Variants in ANKS1B observed in about 807,000 individuals in gnomAD.
ANKS1B encodes the protein ankyrin repeat and sterile alpha motif domain containing 1B.
Under a neutral mutation model 148.3 loss-of-function variants are expected in ANKS1B, and 36 were observed. That is an observed-to-expected ratio of 0.24 (90% confidence interval 0.19 to 0.32). The LOEUF (loss-of-function observed/expected upper bound fraction) is 0.32, where lower values mean the gene tolerates loss of function less well. Ranked by LOEUF, ANKS1B falls within the 10% of genes least tolerant of loss-of-function variation. The probability of loss-of-function intolerance (pLI) is 1.00; values close to 1 mark genes in which losing one functional copy is unlikely to be tolerated. For missense variants in ANKS1B, 1,157 were observed against 1,542.6 expected (o/e 0.75, Z 4.19); for synonymous variants, 542 against 560.8 (o/e 0.97, Z 0.47).
chr12:99,850,307 C>CTG (rs1343906161), intron 1 of ANKS1B, among the ~76,000 whole-genome samples: 2 of 151,674 alleles, frequency 1.3e-5, no homozygotes, highest in Non-Finnish European at 2.9e-5. Flanking sequence ...CTCTCTCTCT[C>CTG]TCTCTCTCTC....
chr12:99,918,886 CA>C (rs1234160791), intron 1 of ANKS1B, among the ~76,000 whole-genome samples: 6 of 151,970 alleles, frequency 3.9e-5, no homozygotes, highest in Non-Finnish European at 5.9e-5. Flanking sequence ...AACACACACA[CA>C]AAAAAAGATG....
intron 17 of ANKS1B, among the ~76,000 whole-genome samples, chr12:99,041,264 A>G (rs1461015094): frequency 6.6e-6 from 1 of 152,230 alleles, no homozygotes; most frequent in East Asian, 1.9e-4. Context: ...ATCAAATTCA[A>G]TGAAAAAATA....
intron 10 of ANKS1B, among the ~76,000 whole-genome samples, chr12:99,497,803 A>T (rs1567215995): frequency 6.6e-6 from 1 of 151,942 alleles, no homozygotes; most frequent in Non-Finnish European, 1.5e-5. Context: ...GTCCCTCTTA[A>T]GACTTGATCA....
intron 17 of ANKS1B, among the ~76,000 whole-genome samples, chr12:99,047,010 G>C (rs1184229801): frequency 6.6e-6 from 1 of 152,056 alleles, no homozygotes; most frequent in Admixed American, 6.5e-5. Flanking sequence ...GAAAAAAAAT[G>C]AATAGGACAT....
At chr12:98,836,101 G>C (rs1315737052) in intron 17 of ANKS1B, among the ~76,000 whole-genome samples, 1 of 152,092 alleles carries the variant, frequency 6.6e-6, no homozygotes, top group Non-Finnish European at 1.5e-5. Flanking sequence ...TTCTTAACCA[G>C]CCCTTCACTA....
chr12:98,915,918 T>C (rs2152873067), intron 17 of ANKS1B, among the ~76,000 whole-genome samples: 1 of 152,220 alleles, frequency 6.6e-6, no homozygotes, highest in East Asian at 1.9e-4. Flanking sequence ...GGATGCCACG[T>C]CAGTCTGTCT....
intron 12 of ANKS1B, among the ~76,000 whole-genome samples, chr12:99,308,785 A>G (rs538047078): frequency 2.9e-4 from 44 of 151,520 alleles, no homozygotes; most frequent in African/African-American, 1.0e-3. Flanking sequence ...ATCCTTCAAA[A>G]CTGTTCTGTA....
intron 14 of ANKS1B, among the ~76,000 whole-genome samples, chr12:99,157,464 A>G (rs1270222655): frequency 1.3e-5 from 2 of 152,246 alleles, no homozygotes; most frequent in Non-Finnish European, 2.9e-5. Context: ...GCAGAGCACG[A>G]TACACATCCT....
intron 9 of ANKS1B, among the ~76,000 whole-genome samples, chr12:99,615,430 A>G (rs1464070010): frequency 1.3e-5 from 2 of 152,138 alleles, no homozygotes; most frequent in Non-Finnish European, 2.9e-5. Flanking sequence ...AAGTACTGAA[A>G]TTTCTCTGAA....
intron 17 of ANKS1B, among the ~76,000 whole-genome samples, chr12:98,899,873 G>A (rs557588237): frequency 4.6e-5 from 7 of 152,118 alleles, no homozygotes; most frequent in Non-Finnish European, 1.0e-4. Context: ...TATACACTCT[G>A]ATAAAAATGT....
intron 8 of ANKS1B, among the ~76,000 whole-genome samples, chr12:99,683,708 T>C (rs916704073): frequency 6.6e-5 from 10 of 152,078 alleles, no homozygotes; most frequent in African/African-American, 2.2e-4. Flanking sequence ...CTTATGAACA[T>C]AGATGCAAAA....
chr12:98,786,480 T>C (rs2153535298), intron 22 of ANKS1B, among the ~76,000 whole-genome samples: 1 of 152,312 alleles, frequency 6.6e-6, no homozygotes, highest in South Asian at 2.1e-4. Flanking sequence ...ACCATCTTTC[T>C]TCTTCTCCTT....
intron 9 of ANKS1B, chr12:99,648,332 T>C (rs1289636500): frequency 6.2e-7 from 1 of 1,614,020 alleles, no homozygotes; most frequent in Non-Finnish European, 8.5e-7. Flanking sequence ...TTTATCCAGA[T>C]CAGCAAAAGA....
intron 17 of ANKS1B, among the ~76,000 whole-genome samples, chr12:98,966,639 G>A (rs148469834): frequency 3.7e-4 from 56 of 152,184 alleles, no homozygotes; most frequent in Non-Finnish European, 5.4e-4. Context: ...GCAAAGACTT[G>A]GAACCAACCA....
chr12:99,331,286 C>CTAGA (rs1402280879), intron 12 of ANKS1B, among the ~76,000 whole-genome samples: 1 of 151,820 alleles, frequency 6.6e-6, no homozygotes, highest in African/African-American at 2.4e-5. Context: ...TAATATGGGG[C>CTAGA]TAGATATTAC....
At chr12:99,247,330 A>C (rs2073992325) in intron 12 of ANKS1B, among the ~76,000 whole-genome samples, 1 of 152,118 alleles carries the variant, frequency 6.6e-6, no homozygotes, top group Non-Finnish European at 1.5e-5. Flanking sequence ...AAATTCAAAA[A>C]CCAAATTTTG....
chr12:99,502,431 T>G (rs1196691928), intron 10 of ANKS1B, among the ~76,000 whole-genome samples: 1 of 152,186 alleles, frequency 6.6e-6, no homozygotes, highest in African/African-American at 2.4e-5. Context: ...ATTATAACAT[T>G]CTTTTTGTAA....
intron 12 of ANKS1B, among the ~76,000 whole-genome samples, chr12:99,369,554 A>G (rs1470738244): frequency 1.3e-5 from 2 of 152,186 alleles, no homozygotes; most frequent in African/African-American, 4.8e-5. Flanking sequence ...TAGATGAAAT[A>G]GGCTGATTAG....
At chr12:99,939,397 A>C (rs1324073658) in intron 1 of ANKS1B, among the ~76,000 whole-genome samples, 43 of 151,652 alleles carry the variant, frequency 2.8e-4, no homozygotes, top group African/African-American at 4.8e-5. Context: ...GCTAATTTTT[A>C]TTTTTTCTTT....
Sources: gnomAD v4.1 joint callset for allele counts (sites outside exome capture counted in the v4.1 genomes callset) on GRCh38, gnomAD v4.1.1 for gene constraint, MANE v1.5 for transcripts, NCBI Gene and HGNC (gene_info 2026-07-23, HGNC 2026-07-21) for gene names.